Variants in SMAD4 observed in about 807,000 individuals in gnomAD.
The protein encoded by SMAD4 is MAD homolog 4.
Under a neutral mutation model 63.2 loss-of-function variants are expected in SMAD4, and 7 were observed. That is an observed-to-expected ratio of 0.11 (90% CI 0.06 to 0.21). The LOEUF is 0.21. Ranked by LOEUF, SMAD4 falls within the 10% of genes least tolerant of loss-of-function variation. The pLI, the probability that SMAD4 is intolerant of heterozygous loss-of-function variation, is 1.00. For missense variants in SMAD4, 312 were observed against 693.8 expected, an observed-to-expected ratio of 0.45 and a Z score of 6.18; for synonymous variants, 215 against 235.4, an observed-to-expected ratio of 0.91 and a Z score of 0.79.
At chr18:51,031,519 G>T (rs1909049969) in intron 1 of SMAD4, among the ~76,000 whole-genome samples, 2 of 152,100 alleles carry the variant, frequency 1.3e-5, no homozygotes, top group Non-Finnish European at 2.9e-5. Context: ...GTAGTTTAAG[G>T]TGGAATTGCC....
intron 1 of SMAD4, among the ~76,000 whole-genome samples, chr18:51,039,028 A>AC (rs1293246329): frequency 6.6e-6 from 1 of 152,076 alleles, no homozygotes. Flanking sequence ...AATCACTTGA[A>AC]CCTGGGAGGC....
chr18:51,068,639 C>T (rs1289932108), intron 10 of SMAD4, among the ~76,000 whole-genome samples: 1 of 152,042 alleles, frequency 6.6e-6, no homozygotes, highest in African/African-American at 2.4e-5. Flanking sequence ...ATACATAAGG[C>T]CTGATTTAGT....
intron 8 of SMAD4, among the ~76,000 whole-genome samples, chr18:51,063,389 A>G (rs1263933808): frequency 1.3e-5 from 2 of 152,002 alleles, no homozygotes; most frequent in African/African-American, 4.8e-5. Context: ...CCTTCACATT[A>G]CATTTTCTAT....
intron 10 of SMAD4, among the ~76,000 whole-genome samples, chr18:51,075,031 A>ATT (rs1910437232): frequency 3.9e-5 from 6 of 152,160 alleles, no homozygotes. Flanking sequence ...TTACTAAAGT[A>ATT]TTTTAGGACC....
At chr18:51,077,406 AC>A in intron 11 of SMAD4, 3 of 984,768 alleles carry the variant, frequency 3.0e-6, no homozygotes, top group Non-Finnish European at 3.6e-6. Context: ...CCTGTTCTTA[AC>A]CTCTTCAGTG....
Position 51,031,263 on chromosome 18 carries a change from T to C in SMAD4, c.-128+640T>C, listed in dbSNP as rs185586676. Among the ~76,000 whole-genome samples the C allele has an allele frequency of 3.9e-5, 6 of 152,240 alleles. No individual in the cohort carries two copies. The East Asian group carries it at 1.2e-3, about 29-fold the overall frequency. Reference sequence around the variant, plus strand: ...CTGCATGTACTGACAGTGAAATTGGTGTAGGGTGGAGGGCGGTGGCTCCAT... The same window carrying C: ...CTGCATGTACTGACAGTGAAATTGGCGTAGGGTGGAGGGCGGTGGCTCCAT... On this transcript the variant is annotated intron_variant, in intron 1 of 11. Transcript: ENST00000342988.
intron 4 of SMAD4, chr18:51,052,570 A>G (rs1568204426): frequency 4.2e-6 from 1 of 235,588 alleles, no homozygotes; most frequent in East Asian, 1.1e-4. Flanking sequence ...ACAGTTTGGT[A>G]TCTGTTTTTC....
At chr18:51,036,659 ATACT>A (rs1193952397) in intron 1 of SMAD4, among the ~76,000 whole-genome samples, 5 of 152,342 alleles carry the variant, frequency 3.3e-5, no homozygotes, top group Non-Finnish European at 7.3e-5. Flanking sequence ...TATACTCATG[ATACT>A]TAATTTGTAA....
intron 8 of SMAD4, among the ~76,000 whole-genome samples, chr18:51,060,727 A>G (rs4318301): frequency 0.06 from 9,194 of 152,112 alleles, 861 homozygotes; most frequent in African/African-American, 0.19. Context: ...TTGACCTCCT[A>G]GTCTCAAGCG....
At chr18:51,035,772 A>G (rs944394937) in intron 1 of SMAD4, among the ~76,000 whole-genome samples, 2 of 152,178 alleles carry the variant, frequency 1.3e-5, no homozygotes, top group Non-Finnish European at 2.9e-5. Context: ...CATCACCTGA[A>G]GTAGTTCCCA....
intron 1 of SMAD4, among the ~76,000 whole-genome samples, chr18:51,041,538 G>A (rs1386709597): frequency 6.6e-6 from 1 of 152,208 alleles, no homozygotes; most frequent in African/African-American, 2.4e-5. Context: ...ATGCCCAGTA[G>A]TATCCAGTTG....
intron 9 of SMAD4, among the ~76,000 whole-genome samples, chr18:51,066,490 G>A (rs1910157783): frequency 6.6e-6 from 1 of 152,038 alleles, no homozygotes; most frequent in South Asian, 2.1e-4. Context: ...ATCACTTGCT[G>A]TCATGTGACT....
At chr18:51,036,759 C>G (rs1396119984) in intron 1 of SMAD4, among the ~76,000 whole-genome samples, 4 of 152,138 alleles carry the variant, frequency 2.6e-5, no homozygotes, top group African/African-American at 4.8e-5. Context: ...ACAGCCCCAC[C>G]CTTGATTCTA....
At position 51,078,241 on chromosome 18, in the gene SMAD4, A is replaced by T; in HGVS notation, c.1448-15A>T. On this transcript the variant is annotated splice_polypyrimidine_tract_variant and intron_variant, in intron 11 of 11. Transcript: ENST00000342988. ...CACCCTGTCCCTCTGATGTCTTCCA[A>T]ATCTTTTCTGTTAGGTCTGTCAGCT... 6.2e-7 allele frequency: 1 copy of T among 1,609,072 alleles called. No individual in the cohort carries two copies. The highest frequency in any genetic ancestry group is 8.5e-7 in the Non-Finnish European group (1 of 1,176,250).
intron 1 of SMAD4, among the ~76,000 whole-genome samples, chr18:51,033,978 G>C (rs1461971814): frequency 6.6e-6 from 1 of 152,160 alleles, no homozygotes; most frequent in East Asian, 1.9e-4. Context: ...TTATAGATCA[G>C]ATAAGTACCA....
chr18:51,037,228 T>C (rs912907212), intron 1 of SMAD4, among the ~76,000 whole-genome samples: 9 of 152,218 alleles, frequency 5.9e-5, no homozygotes, highest in South Asian at 2.1e-4. Flanking sequence ...AGTTATCAGT[T>C]ATTAAAATTC....
chr18:51,083,449 CT>C lies in SMAD4; in HGVS notation c.*4991del, dbSNP rs886053919. 6.7e-5 allele frequency: 15 copies of C among 222,566 alleles called. No individual in the cohort carries two copies. The highest frequency in any genetic ancestry group is 1.1e-4 in the Non-Finnish European group (12 of 112,904). The allele number at this position is 222,566 out of a possible 1,614,324, so 13.8% of individuals were successfully genotyped here. A position where few individuals can be genotyped will look rare whatever the true frequency, so the allele number is the denominator to read the frequency against. ...GAATGAATGAATGAAACTTTTTGTC[CT>C]TTTTTTTTCTGTTTTTTTTTTTCTA... On this transcript the variant is annotated 3_prime_UTR_variant, in exon 12 of 12. Coordinates refer to ENST00000342988, the MANE Select transcript of SMAD4 (RefSeq NM_005359.6).
intron 10 of SMAD4, among the ~76,000 whole-genome samples, chr18:51,069,480 G>A (rs1281767629): frequency 6.6e-6 from 1 of 151,984 alleles, no homozygotes; most frequent in Non-Finnish European, 1.5e-5. Flanking sequence ...TGTATTCGTG[G>A]GCCAAGTTTG....
chr18:51,040,579 A>G (rs1351347938), intron 1 of SMAD4, among the ~76,000 whole-genome samples: 1 of 152,234 alleles, frequency 6.6e-6, no homozygotes, highest in Non-Finnish European at 1.5e-5. Context: ...AAAAAATGTC[A>G]ACACTCCTTA....
Sources: gnomAD v4.1 joint callset for allele counts (sites outside exome capture counted in the v4.1 genomes callset) on GRCh38, gnomAD v4.1.1 for gene constraint, MANE v1.5 for transcripts, NCBI Gene and HGNC (gene_info 2026-07-23, HGNC 2026-07-21) for gene names.